Variants in SNTB1 observed in about 807,000 individuals in gnomAD.
SNTB1 encodes the protein syntrophin beta 1.
A neutral mutation model predicts 48.9 loss-of-function variants in SNTB1; 36 were observed. The ratio of observed to expected loss-of-function variants is 0.74; its 90% CI spans 0.56 to 0.97. The LOEUF is 0.97. Ranked by LOEUF, SNTB1 falls within the 50% of genes least tolerant of loss-of-function variation. The pLI is 0.00. For synonymous variants in SNTB1, 299 were observed against 294.6 expected, an observed-to-expected ratio of 1.01 and a Z score of -0.15; for missense variants, 786 against 703.4, an observed-to-expected ratio of 1.12 and a Z score of -1.33.
intron 1 of SNTB1, among the ~76,000 whole-genome samples, chr8:120,796,110 T>G (rs973367856): frequency 2.6e-5 from 4 of 151,820 alleles, no homozygotes; most frequent in Non-Finnish European, 5.9e-5. Flanking sequence ...GTGAGTGAGT[T>G]TTCAAGAGGT....
At chr8:120,729,193 A>G (rs1324245146) in intron 1 of SNTB1, among the ~76,000 whole-genome samples, 2 of 152,126 alleles carry the variant, frequency 1.3e-5, no homozygotes, top group Non-Finnish European at 2.9e-5. Context: ...CATGTTGCCC[A>G]GGCTGCTCTC....
chr8:120,639,563 T>C (rs1248350758), intron 2 of SNTB1, among the ~76,000 whole-genome samples: 1 of 152,224 alleles, frequency 6.6e-6, no homozygotes, highest in African/African-American at 2.4e-5. Flanking sequence ...GTATAAGGTG[T>C]AAGGAAGGGA....
chr8:120,785,605 G>A (rs149611761), intron 1 of SNTB1, among the ~76,000 whole-genome samples: 23 of 152,334 alleles, frequency 1.5e-4, no homozygotes, highest in Admixed American at 5.9e-4. Flanking sequence ...GCCAGTGCAT[G>A]GACTTGTCTG....
chr8:120,744,177 A>T (rs1396818501), intron 1 of SNTB1, among the ~76,000 whole-genome samples: 2 of 150,962 alleles, frequency 1.3e-5, no homozygotes, highest in East Asian at 3.9e-4. Flanking sequence ...GGGATGGGGA[A>T]ATTCAGGTCT....
chr8:120,722,882 CAT>C, intron 1 of SNTB1, among the ~76,000 whole-genome samples: 1 of 152,210 alleles, frequency 6.6e-6, no homozygotes, highest in East Asian at 1.9e-4. Context: ...TTAGGTCTAA[CAT>C]TTAAGTCTTT....
intron 3 of SNTB1, among the ~76,000 whole-genome samples, chr8:120,586,515 C>T (rs1447855107): frequency 6.6e-6 from 1 of 152,138 alleles, no homozygotes; most frequent in Non-Finnish European, 1.5e-5. Flanking sequence ...TTTCTGTCAC[C>T]ACGTCACCTT....
Position 120,811,663 on chromosome 8 carries a change from C to G in SNTB1, c.181G>C (p.Gly61Arg), listed in dbSNP as rs761112853. Residue 61 changes from glycine (G) to arginine (R), a missense_variant, in exon 1 of 7, where the codon GGG (glycine) becomes CGG (arginine). Transcript: ENST00000517992. ...CAGAACGAGCCATTGGTGGCGGTCC[C>G]GATGCCGTTGTACGCCGCAGCGCCC... Reference protein sequence around the residue: ...EEGAAAYNGIGTATNGSFCRG... With the variant: ...EEGAAAYNGIRTATNGSFCRG... The G allele has an allele frequency of 1.1e-5, 17 of 1,593,284 alleles. No homozygotes were observed. Among genetic ancestry groups the G allele is most frequent in the African/African-American group, 4.2e-5 (3 of 72,022 alleles).
At position 120,538,753 on chromosome 8, in the gene SNTB1, T is replaced by G. The variant is rs1586983307; in HGVS notation, c.*124A>C. Reference sequence around the variant, plus strand: ...GTCTGGGACAGTTACATACGACTCTTGAGAGCTAAAGCTGACTGTAGCACG... The same window carrying G: ...GTCTGGGACAGTTACATACGACTCTGGAGAGCTAAAGCTGACTGTAGCACG... On this transcript the variant is annotated 3_prime_UTR_variant, in exon 7 of 7. Transcript: ENST00000517992. The G allele has an allele frequency of 2.1e-5, 17 of 821,898 alleles. No homozygotes were observed. The highest frequency in any genetic ancestry group is 3.0e-5 in the Non-Finnish European group (14 of 467,872). 50.9% of individuals were successfully genotyped at this position (821,898 alleles called of 1,614,324 possible). A position where few individuals can be genotyped will look rare whatever the true frequency, so the allele number is the denominator to read the frequency against.
chr8:120,560,342 G>C (rs988022853), intron 4 of SNTB1, among the ~76,000 whole-genome samples: 13 of 152,162 alleles, frequency 8.5e-5, no homozygotes, highest in African/African-American at 2.7e-4. Context: ...AATTAGTCAG[G>C]CTTGGTGGCG....
chr8:120,802,242 T>C (rs1331223894), intron 1 of SNTB1, among the ~76,000 whole-genome samples: 2 of 152,162 alleles, frequency 1.3e-5, no homozygotes, highest in East Asian at 3.8e-4. Context: ...AAGAAACATT[T>C]TGACTTTTTT....
intron 3 of SNTB1, among the ~76,000 whole-genome samples, chr8:120,601,112 C>T (rs1245944468): frequency 1.3e-5 from 2 of 152,120 alleles, no homozygotes; most frequent in South Asian, 2.1e-4. Flanking sequence ...TGTCTGCTAG[C>T]GCTGCTGGGA....
chr8:120,625,185 A>G (rs1816854505), intron 3 of SNTB1, among the ~76,000 whole-genome samples: 1 of 152,156 alleles, frequency 6.6e-6, no homozygotes, highest in South Asian at 2.1e-4. Context: ...AAAGGTCCCA[A>G]CTCTGTTGCA....
intron 3 of SNTB1, among the ~76,000 whole-genome samples, chr8:120,584,480 A>C (rs1816104748): frequency 1.4e-5 from 2 of 148,022 alleles, no homozygotes; most frequent in Non-Finnish European, 3.0e-5. Context: ...ATTTAGAAGG[A>C]GCAGTTAAGA....
intron 3 of SNTB1, among the ~76,000 whole-genome samples, chr8:120,579,724 A>C (rs1816013213): frequency 6.6e-6 from 1 of 152,124 alleles, no homozygotes; most frequent in African/African-American, 2.4e-5. Flanking sequence ...AAAACCTAGA[A>C]TCTTCACATG....
intron 1 of SNTB1, among the ~76,000 whole-genome samples, chr8:120,721,283 T>C (rs762120765): frequency 3.3e-5 from 5 of 152,236 alleles, no homozygotes; most frequent in Non-Finnish European, 5.9e-5. Flanking sequence ...ATATAAAACT[T>C]GGATATGTTG....
At chr8:120,639,690 G>T (rs1387441606) in intron 2 of SNTB1, among the ~76,000 whole-genome samples, 1 of 152,116 alleles carries the variant, frequency 6.6e-6, no homozygotes, top group Non-Finnish European at 1.5e-5. Context: ...GATGGTTGTA[G>T]ATGTGTGGTA....
chr8:120,649,217 C>T (rs1041819421), intron 2 of SNTB1, among the ~76,000 whole-genome samples: 4 of 151,872 alleles, frequency 2.6e-5, no homozygotes, highest in South Asian at 2.1e-4. Flanking sequence ...TGAGGAACTG[C>T]GTTCCCTTGG....
rs112897638 is a variant in SNTB1 at position 120,543,742 on chromosome 8, C to T, written c.1334-1742G>A. 3.1e-3 allele frequency among the ~76,000 whole-genome samples: 475 copies of T among 152,132 alleles called. 1 individual carries two copies. The highest frequency in any genetic ancestry group is 0.011 in the African/African-American group (440 of 41,492). On this transcript the variant is annotated intron_variant, in intron 5 of 6. Transcript: ENST00000517992. ...TTCACAGAATGCGGTGGCTGTTAAT[C>T]GAAGCTCTGATTAAAACATATGCCC...
In SNTB1 at chr8:120,632,542, G is replaced by A. The variant is rs1817001951; in HGVS notation, c.898C>T (p.Leu300=). Residue 300 remains leucine, a synonymous_variant, in exon 3 of 7, where the codon CTG becomes TTG. Coordinates refer to ENST00000517992, the MANE Select transcript of SNTB1 (RefSeq NM_021021.4). The part of the protein sequence containing the change: ...FSAIHSNVND[L]LTRVIAEVRE... ...ACCTCAGCAATCACTCGGGTCAGCA[G>A]GTCATTAACGTTGGAATGGATGGCA... 1 of 1,614,146 alleles carries A rather than the reference G, an allele frequency of 6.2e-7. No individual in the cohort carries two copies. Among genetic ancestry groups the A allele is most frequent in the African/African-American group, 1.3e-5 (1 of 75,048 alleles).
Sources: allele counts gnomAD v4.1 joint callset (sites outside exome capture counted in the v4.1 genomes callset), GRCh38; gene constraint gnomAD v4.1.1; transcripts MANE v1.5; gene names NCBI Gene and HGNC (gene_info 2026-07-23, HGNC 2026-07-21).